The following ADGRG6 variants were observed in gnomAD, a reference collection of about 807,000 sequenced individuals.
ADGRG6 encodes the protein adhesion G protein-coupled receptor G6, also known as G-protein coupled receptor 126.
A neutral mutation model predicts 142.4 loss-of-function variants in ADGRG6; 84 were observed. That is an observed-to-expected ratio of 0.59 (90% confidence interval 0.49 to 0.71). The LOEUF is 0.71. Among genes scored for constraint, ADGRG6 ranks in the 30% least tolerant of loss-of-function variants. The pLI, the probability that ADGRG6 is intolerant of heterozygous loss-of-function variation, is 0.00. For synonymous variants in ADGRG6, 521 were observed against 520.5 expected (o/e 1.00, Z -0.01); for missense variants, 1,367 against 1,466.6 (o/e 0.93, Z 1.11).
chr6:142,398,140 TCTC>T (rs1000961913), intron 10 of ADGRG6, among the ~76,000 whole-genome samples: 12 of 152,142 alleles, frequency 7.9e-5, no homozygotes, highest in African/African-American at 2.7e-4. Context: ...TTTTAAAACA[TCTC>T]CTGCTGGGCA....
At chr6:142,377,852 C>T (rs907748144) in intron 4 of ADGRG6, among the ~76,000 whole-genome samples, 6 of 152,092 alleles carry the variant, frequency 3.9e-5, no homozygotes, top group African/African-American at 1.4e-4. Context: ...GTTTGTAATG[C>T]AAGTTTTCAT....
At chr6:142,382,302 C>G (rs758246616) in intron 5 of ADGRG6, among the ~76,000 whole-genome samples, 1 of 152,022 alleles carries the variant, frequency 6.6e-6, no homozygotes, top group Non-Finnish European at 1.5e-5. Flanking sequence ...TCATTTTTCC[C>G]CCATGTCTTC....
At chr6:142,359,156 A>G (rs1279313447) in intron 2 of ADGRG6, among the ~76,000 whole-genome samples, 3 of 148,796 alleles carry the variant, frequency 2.0e-5, no homozygotes, top group Non-Finnish European at 4.4e-5. Flanking sequence ...TCAGTGAGCC[A>G]TGATTGTACC....
chr6:142,370,821 T>A, intron 4 of ADGRG6, 28 bp downstream of exon 4: 1 of 1,610,156 alleles, frequency 6.2e-7, no homozygotes. Flanking sequence ...TCCTTTTTTT[T>A]TTTTTTTTTA....
intron 23 of ADGRG6, 24 bp downstream of exon 23, chr6:142,437,559 T>C (rs775011334): frequency 1.9e-6 from 2 of 1,059,796 alleles, no homozygotes; most frequent in Non-Finnish European, 3.0e-6. Flanking sequence ...GATTAAATTT[T>C]ACATCTACAA....
chr6:142,440,350 G>A (rs1475306413), intron 24 of ADGRG6, among the ~76,000 whole-genome samples: 1 of 151,932 alleles, frequency 6.6e-6, no homozygotes, highest in African/African-American at 2.4e-5. Context: ...GAGTGCAAGG[G>A]CACACTCACG....
At chr6:142,391,623 C>G (rs2114974759) in intron 7 of ADGRG6, among the ~76,000 whole-genome samples, 1 of 151,844 alleles carries the variant, frequency 6.6e-6, no homozygotes, top group South Asian at 2.1e-4. Context: ...GTGAAATCCT[C>G]TACTGAAATA....
At chr6:142,350,839 A>G (rs1780137326) in intron 2 of ADGRG6, among the ~76,000 whole-genome samples, 1 of 152,118 alleles carries the variant, frequency 6.6e-6, no homozygotes, top group Admixed American at 6.5e-5. Context: ...AGCTGTTCCG[A>G]TCAAACTACC....
chr6:142,379,494 A>G (rs1409017178), intron 4 of ADGRG6, among the ~76,000 whole-genome samples: 1 of 152,170 alleles, frequency 6.6e-6, no homozygotes, highest in African/African-American at 2.4e-5. Context: ...CAGGCCGGGC[A>G]CGGTGGCTCA....
chr6:142,405,555 A>G, intron 14 of ADGRG6, 133 bp from the exon 15 acceptor site: 1 of 717,500 alleles, frequency 1.4e-6, no homozygotes, highest in Non-Finnish European at 2.5e-6. Flanking sequence ...TGACTACTGT[A>G]GATACAAAGG....
In ADGRG6 at chr6:142,438,316, A is replaced by G; in HGVS notation, c.3526A>G (p.Lys1176Glu). 6.2e-7 allele frequency: 1 copy of G among 1,610,126 alleles called. No individual in the cohort carries two copies. The change falls in exon 24 of 25, where the codon AAA becomes GAA. Residue 1176 changes from lysine to glutamate, a missense_variant. Coordinates refer to ENST00000367609, the MANE Select transcript of ADGRG6 (RefSeq NM_198569.3). ...IGSNSTYLTSKSKSSSTTYFK... is the reference protein window; with the variant it reads ...IGSNSTYLTSESKSSSTTYFK... ...TTCCAACTCAACCTATCTTACATCC[A>G]AATCTAAATCCAGCTCTACCACCTA... is the stretch of plus-strand genomic sequence containing the variant.
chr6:142,302,992 T>C (rs1221852518), intron 1 of ADGRG6, among the ~76,000 whole-genome samples: 3 of 152,294 alleles, frequency 2.0e-5, no homozygotes, highest in African/African-American at 7.2e-5. Flanking sequence ...TTTGCCTCCA[T>C]AGAATTGTCA....
Position 142,415,113 on chromosome 6 carries a change from TCTGCCAAACCCATTG to T in ADGRG6, c.2669+20_2669+34del, listed in dbSNP as rs1425619730. 5 of 1,604,336 alleles carry T rather than the reference TCTGCCAAACCCATTG, an allele frequency of 3.1e-6. No homozygotes were observed. Among genetic ancestry groups the T allele is most frequent in the Non-Finnish European group, 4.3e-6 (5 of 1,175,244 alleles). On this transcript the variant is annotated intron_variant, in intron 19 of 24. Coordinates refer to ENST00000367609, the MANE Select transcript of ADGRG6 (RefSeq NM_198569.3). ...TGCTTTTGAGTAAGTATATTTTTAATCTGCCAAACCCATTGCTAACTGTTCCAAATGTGAATAAGA... is the reference window on the plus strand; with the variant it reads ...TGCTTTTGAGTAAGTATATTTTTAATCTAACTGTTCCAAATGTGAATAAGA...
intron 2 of ADGRG6, among the ~76,000 whole-genome samples, chr6:142,337,434 G>A (rs972647547): frequency 6.6e-5 from 10 of 152,144 alleles, no homozygotes; most frequent in African/African-American, 2.4e-4. Flanking sequence ...CTCAAGCTAT[G>A]AAACCAAAAC....
At position 142,370,382 on chromosome 6, in the gene ADGRG6, A is replaced by G; in HGVS notation, c.658A>G (p.Ser220Gly). The change falls in exon 4 of 25, where the codon AGT (serine) becomes GGT (glycine). Residue 220 changes from serine to glycine, a missense_variant. Coordinates refer to ENST00000367609, the MANE Select transcript of ADGRG6 (RefSeq NM_198569.3). ...ATTGCTCAGTTTTGGAAAGGCCAAG[A>G]GTGGCTACTTTCTATCCATTTCTGA... ...TQLLSFGKAK[S>G]GYFLSISDSK... 1.2e-6 allele frequency: 2 copies of G among 1,613,374 alleles called. No homozygotes were observed. Among genetic ancestry groups the G allele is most frequent in the South Asian group, 2.2e-5 (2 of 91,074 alleles).
intron 2 of ADGRG6, among the ~76,000 whole-genome samples, chr6:142,311,770 A>G (rs563049159): frequency 1.3e-5 from 2 of 152,064 alleles, no homozygotes; most frequent in South Asian, 4.1e-4. Flanking sequence ...TCCTAGAGCC[A>G]TCTCTTGAGT....
chr6:142,387,015 G>A (rs1198772764), intron 6 of ADGRG6, among the ~76,000 whole-genome samples: 3 of 152,172 alleles, frequency 2.0e-5, no homozygotes, highest in South Asian at 2.1e-4. Context: ...GCATTGAGTC[G>A]TCTCCTCATC....
At chr6:142,412,061 GC>G (rs1776116093) in intron 18 of ADGRG6, among the ~76,000 whole-genome samples, 1 of 152,042 alleles carries the variant, frequency 6.6e-6, no homozygotes. Context: ...TAGCCAGCTT[GC>G]CAAACAGTTT....
In ADGRG6 at chr6:142,438,299, C is replaced by T; in HGVS notation, c.3509C>T (p.Ser1170Leu). ...SLSSSSIGSNSTYLTSKSKSS... is the reference protein window; with the variant it reads ...SLSSSSIGSNLTYLTSKSKSS... Reference sequence around the variant, plus strand: ...TCTTCAAGCTCCATTGGTTCCAACTCAACCTATCTTACATCCAAATCTAAA... The same window carrying T: ...TCTTCAAGCTCCATTGGTTCCAACTTAACCTATCTTACATCCAAATCTAAA... Residue 1170 changes from serine (S) to leucine (L), a missense_variant, in exon 24 of 25, where the codon TCA (serine) becomes TTA (leucine). This residue lies in a region of ADGRG6 where 344 missense variants were observed against 348.7 expected (regional missense o/e 0.99). Transcript: ENST00000367609. 6 of 1,607,012 alleles carry T rather than the reference C, an allele frequency of 3.7e-6. No individual in the cohort carries two copies. Among genetic ancestry groups the T allele is most frequent in the Non-Finnish European group, 5.1e-6 (6 of 1,175,328 alleles).
Sources: gnomAD v4.1 joint callset for allele counts (sites outside exome capture counted in the v4.1 genomes callset) on GRCh38, gnomAD v4.1.1 for gene constraint, gnomAD v4.1.1 regional missense constraint, MANE v1.5 for transcripts, NCBI Gene and HGNC (gene_info 2026-07-23, HGNC 2026-07-21) for gene names.